IRAG2: variants seen among roughly 807,000 people sequenced by gnomAD.
IRAG2 encodes the protein lymphoid restricted membrane protein.
Under a neutral mutation model 69.9 loss-of-function variants are expected in IRAG2, and 45 were observed. That is an observed-to-expected ratio of 0.64 (90% CI 0.51 to 0.83). IRAG2 has a LOEUF of 0.83. Among genes scored for constraint, IRAG2 ranks in the 40% least tolerant of loss-of-function variants. The probability of loss-of-function intolerance (pLI) is 0.00; values close to 1 mark genes in which losing one functional copy is unlikely to be tolerated. For synonymous variants in IRAG2, 193 were observed against 202.4 expected, an observed-to-expected ratio of 0.95 and a Z score of 0.40; for missense variants, 520 against 587.0, an observed-to-expected ratio of 0.89 and a Z score of 1.18.
chr12:25,085,323 G>C (rs928949615), intron 10 of IRAG2, among the ~76,000 whole-genome samples: 1 of 152,058 alleles, frequency 6.6e-6, no homozygotes, highest in African/African-American at 2.4e-5. Flanking sequence ...GAGCCAGAAG[G>C]GGGGATGGAG....
chr12:25,071,663 TA>T (rs1255236935), intron 6 of IRAG2, among the ~76,000 whole-genome samples: 7 of 152,208 alleles, frequency 4.6e-5, no homozygotes, highest in Non-Finnish European at 8.8e-5. Flanking sequence ...ACTCAATTAA[TA>T]AATAACAAAC....
chr12:25,004,169 AT>A (rs1490063587), upstream of IRAG2, among the ~76,000 whole-genome samples: 1 of 152,350 alleles, frequency 6.6e-6, no homozygotes, highest in East Asian at 1.9e-4. Context: ...AGTTAAATGC[AT>A]GGAAAATTTG....
chr12:25,083,144 A>C (rs1935623235), intron 9 of IRAG2, among the ~76,000 whole-genome samples: 1 of 152,242 alleles, frequency 6.6e-6, no homozygotes, highest in Admixed American at 6.5e-5. Context: ...TTCCATTAAA[A>C]AAAGCAGCAG....
At chr12:25,000,271 C>A (rs537792673), upstream of IRAG2, among the ~76,000 whole-genome samples, 6 of 152,208 alleles carry the variant, frequency 3.9e-5, no homozygotes, top group East Asian at 1.2e-3. Flanking sequence ...CATGGGGAAA[C>A]CCCATCTCTA....
At chr12:25,073,209 G>C (rs746014251) in intron 6 of IRAG2, among the ~76,000 whole-genome samples, 4 of 152,146 alleles carry the variant, frequency 2.6e-5, no homozygotes, top group Non-Finnish European at 5.9e-5. Context: ...CTTGTCATCT[G>C]TATGCTGGTT....
At position 25,041,662 on chromosome 12, in the gene IRAG2, G is replaced by GTT. The variant is rs201257184; in HGVS notation, c.2144+3533_2144+3534dup. Among the ~76,000 whole-genome samples, 24 of 102,818 alleles carry GTT rather than the reference G, an allele frequency of 2.3e-4. No homozygotes were observed. The East Asian group carries it at 3.1e-3, about 13-fold the overall frequency. The allele number at this position is 102,818 out of a possible 152,430, so 67.5% of individuals were successfully genotyped here. ...ATGCCGCTATGCTCCGCTAAGTTTT[G>GTT]TTTTTTTTTGTTTTTTTTTTTTTCA... On this transcript the variant is annotated intron_variant, in intron 16 of 38. Transcript: ENST00000636465.
intron 1 of IRAG2, among the ~76,000 whole-genome samples, chr12:25,059,447 G>T (rs1326443345): frequency 6.6e-6 from 1 of 152,128 alleles, no homozygotes; most frequent in Admixed American, 6.5e-5. Flanking sequence ...CGCCTCCCGG[G>T]TTCAAGCAAT....
intron 2 of IRAG2, among the ~76,000 whole-genome samples, chr12:25,010,043 T>C (rs1216001398): frequency 1.3e-5 from 2 of 152,210 alleles, no homozygotes; most frequent in South Asian, 2.1e-4. Flanking sequence ...TAGGTACCCA[T>C]TGATACATGA....
chr12:25,056,294 A>G (rs1565541273), intron 1 of IRAG2, among the ~76,000 whole-genome samples: 1 of 152,208 alleles, frequency 6.6e-6, no homozygotes, highest in African/African-American at 2.4e-5. Flanking sequence ...ACTTAAAGAT[A>G]GAAGGTTTTG....
chr12:25,002,888 C>G (rs1944402731), upstream of IRAG2, among the ~76,000 whole-genome samples: 1 of 152,090 alleles, frequency 6.6e-6, no homozygotes. Flanking sequence ...GTGATTCACT[C>G]ACCTTAGCCT....
chr12:25,107,311 A>G (rs1001949798), intron 21 of IRAG2, among the ~76,000 whole-genome samples: 14 of 152,152 alleles, frequency 9.2e-5, no homozygotes, highest in African/African-American at 3.1e-4. Context: ...TACTATGCCT[A>G]ATTTATAAAT....
upstream of IRAG2, among the ~76,000 whole-genome samples, chr12:25,049,032 T>C (rs536715633): frequency 4.6e-5 from 7 of 152,342 alleles, no homozygotes; most frequent in African/African-American, 1.7e-4. Flanking sequence ...TTTTGTCAGG[T>C]TTGTCAAAGA....
At chr12:25,092,746 A>C (rs1948156010) in intron 14 of IRAG2, 1 of 156,228 alleles carries the variant, frequency 6.4e-6, no homozygotes, top group Non-Finnish European at 1.4e-5. Context: ...ACTTTAAATA[A>C]CACCTGGAAG....
chr12:24,999,832 A>T (rs2139807518), upstream of IRAG2, among the ~76,000 whole-genome samples: 2 of 152,030 alleles, frequency 1.3e-5, 1 homozygote, highest in South Asian at 4.2e-4. Context: ...AAAAAAAAAA[A>T]TACAAGACAG....
intron 14 of IRAG2, 108 bp from the exon 15 acceptor site, chr12:25,096,802 G>T: frequency 1.0e-5 from 8 of 772,366 alleles, no homozygotes; most frequent in Admixed American, 2.7e-5. Context: ...ATCTTCCACC[G>T]AAATAATTGA....
chr12:25,080,591 A>G (rs1422611053), intron 9 of IRAG2, among the ~76,000 whole-genome samples: 1 of 152,070 alleles, frequency 6.6e-6, no homozygotes, highest in African/African-American at 2.4e-5. Context: ...TGACCTCGTG[A>G]TCCACCCTCC....
chr12:25,083,828 C>T (rs1947384631), intron 10 of IRAG2, among the ~76,000 whole-genome samples: 1 of 152,158 alleles, frequency 6.6e-6, no homozygotes, highest in Non-Finnish European at 1.5e-5. Context: ...TAAATGAATG[C>T]ATTAATAAAT....
chr12:25,041,574 C>T (rs112096179), intron 16 of IRAG2, among the ~76,000 whole-genome samples: 2,015 of 151,790 alleles, frequency 0.013, 15 homozygotes, highest in Non-Finnish European at 0.02. Flanking sequence ...CTCCACCTCC[C>T]GGGTTCAACC....
intron 14 of IRAG2, chr12:25,093,528 G>T (rs888790857): frequency 1.3e-5 from 2 of 152,950 alleles, no homozygotes; most frequent in African/African-American, 4.8e-5. Context: ...TTTTCTTCCT[G>T]GCTTTTTGCA....
Sources: allele counts gnomAD v4.1 joint callset (sites outside exome capture counted in the v4.1 genomes callset), GRCh38; gene constraint gnomAD v4.1.1; transcripts MANE v1.5; gene names NCBI Gene and HGNC (gene_info 2026-07-23, HGNC 2026-07-21).